The following KLF15 variants were observed in gnomAD, a reference collection of about 807,000 sequenced individuals.
The protein encoded by KLF15 is Krueppel-like factor 15.
In KLF15, 4 loss-of-function variants were observed where a neutral mutation model predicts 24.6. The observed-to-expected ratio is 0.16, with a 90% CI of 0.08 to 0.37. The LOEUF is 0.37. KLF15 is among the 10% of genes least tolerant of loss of function. The pLI is 1.00. For synonymous variants in KLF15, 246 were observed against 236.3 expected, an observed-to-expected ratio of 1.04 and a Z score of -0.37; for missense variants, 496 against 560.6, an observed-to-expected ratio of 0.88 and a Z score of 1.16.
At chr3:126,353,767 A>G (rs1462385603) in intron 1 of KLF15, among the ~76,000 whole-genome samples, 1 of 152,164 alleles carries the variant, frequency 6.6e-6, no homozygotes, top group East Asian at 1.9e-4. Flanking sequence ...GCTTGAACGC[A>G]ACCCTCTCAC....
At chr3:126,329,085 C>A in the KLF15 span, among the ~76,000 whole-genome samples, 3 of 152,178 alleles carry the variant, frequency 2.0e-5, no homozygotes, top group African/African-American at 4.8e-5. Context: ...ATGGCACCTG[C>A]ATCTTGCTAT....
the KLF15 span, among the ~76,000 whole-genome samples, chr3:126,337,342 C>T: frequency 2.5e-4 from 34 of 136,482 alleles, no homozygotes; most frequent in African/African-American, 7.2e-4. Context: ...AACCAAACAC[C>T]GCATATTCTC....
chr3:126,325,077 G>A, the KLF15 span, among the ~76,000 whole-genome samples: 1 of 78,328 alleles, frequency 1.3e-5, no homozygotes, highest in Non-Finnish European at 2.3e-5. Flanking sequence ...TTTTGTACTT[G>A]CGATAGTTTA....
the KLF15 span, among the ~76,000 whole-genome samples, chr3:126,331,931 A>G: frequency 1.3e-5 from 2 of 152,188 alleles, no homozygotes; most frequent in African/African-American, 4.8e-5. Flanking sequence ...CGCCCACGGA[A>G]TCTCACTGAC....
the KLF15 span, among the ~76,000 whole-genome samples, chr3:126,330,381 T>C: frequency 2.5e-4 from 38 of 152,346 alleles, no homozygotes; most frequent in African/African-American, 8.7e-4. Flanking sequence ...TCAGTCCATG[T>C]ATTTCTGTGG....
At chr3:126,338,521 G>C (rs997865245), downstream of KLF15, among the ~76,000 whole-genome samples, 24 of 152,276 alleles carry the variant, frequency 1.6e-4, no homozygotes, top group Middle Eastern at 3.4e-3. Flanking sequence ...GTAATGCAAA[G>C]ACTTCTGTGG....
chr3:126,355,718 G>A (rs886558157), intron 1 of KLF15, among the ~76,000 whole-genome samples: 4 of 152,264 alleles, frequency 2.6e-5, no homozygotes, highest in African/African-American at 9.6e-5. Context: ...AAAATTTGCT[G>A]AATGAGTGAA....
chr3:126,299,478 G>A, the KLF15 span, among the ~76,000 whole-genome samples: 55 of 152,030 alleles, frequency 3.6e-4, no homozygotes, highest in African/African-American at 1.1e-3. Context: ...TGCCGGGCAC[G>A]GTGGCTCACG....
the KLF15 span, among the ~76,000 whole-genome samples, chr3:126,309,510 A>G: frequency 6.6e-6 from 1 of 152,226 alleles, no homozygotes; most frequent in South Asian, 2.1e-4. Context: ...TCTGCTTACC[A>G]TAGGTGCAGA....
chr3:126,292,898 G>T, the KLF15 span, among the ~76,000 whole-genome samples: 1 of 152,208 alleles, frequency 6.6e-6, no homozygotes, highest in East Asian at 1.9e-4. Context: ...GGTTTAAAAG[G>T]CTCAGTTGTC....
intron 2 of KLF15, among the ~76,000 whole-genome samples, chr3:126,346,855 C>T (rs2082539145): frequency 6.6e-6 from 1 of 152,316 alleles, no homozygotes; most frequent in Non-Finnish European, 1.5e-5. Context: ...ACTTACCAAC[C>T]AGGCAAACTA....
chr3:126,345,511 A>G (rs372839057), intron 2 of KLF15, among the ~76,000 whole-genome samples: 20 of 151,984 alleles, frequency 1.3e-4, no homozygotes, highest in African/African-American at 4.8e-4. Flanking sequence ...CCACACATAC[A>G]GGCACACAAA....
the KLF15 span, among the ~76,000 whole-genome samples, chr3:126,322,418 C>T: frequency 2.6e-5 from 4 of 152,196 alleles, no homozygotes; most frequent in Non-Finnish European, 5.9e-5. Context: ...CTCAGAGCCA[C>T]AGCTTGGCAT....
the KLF15 span, among the ~76,000 whole-genome samples, chr3:126,295,194 A>C: frequency 2.0e-5 from 3 of 152,222 alleles, no homozygotes; most frequent in Non-Finnish European, 4.4e-5. Flanking sequence ...ATATTCCAAT[A>C]ACAGCTGTCA....
downstream of KLF15, among the ~76,000 whole-genome samples, chr3:126,338,850 C>T (rs567958011): frequency 1.5e-3 from 223 of 152,326 alleles, no homozygotes; most frequent in African/African-American, 5.0e-3. Flanking sequence ...GTGATGGAGC[C>T]GCCTGCTACA....
the KLF15 span, among the ~76,000 whole-genome samples, chr3:126,314,161 C>T: frequency 6.6e-6 from 1 of 152,074 alleles, no homozygotes; most frequent in Non-Finnish European, 1.5e-5. Flanking sequence ...AGGGACTCAT[C>T]CTCACAAGGC....
chr3:126,314,139 A>G, the KLF15 span, among the ~76,000 whole-genome samples: 2 of 152,046 alleles, frequency 1.3e-5, no homozygotes, highest in Non-Finnish European at 2.9e-5. Context: ...TCGGTGGCCA[A>G]CGGTCACCCA....
the KLF15 span, among the ~76,000 whole-genome samples, chr3:126,310,582 A>G: frequency 4.1e-4 from 63 of 152,104 alleles, no homozygotes; most frequent in Non-Finnish European, 1.6e-4. Context: ...ACGGCTCTGG[A>G]GGCTGGAAGT....
the KLF15 span, among the ~76,000 whole-genome samples, chr3:126,318,061 G>T: frequency 0.16 from 24,144 of 152,004 alleles, 2,164 homozygotes; most frequent in Admixed American, 0.23. Context: ...GGACCCATGG[G>T]AAAACAGCTC....
Sources: gnomAD v4.1 joint callset for allele counts (sites outside exome capture counted in the v4.1 genomes callset) on GRCh38, gnomAD v4.1.1 for gene constraint, MANE v1.5 for transcripts, NCBI Gene and HGNC (gene_info 2026-07-23, HGNC 2026-07-21) for gene names.